SPAG16: variants seen among roughly 807,000 people sequenced by gnomAD.
SPAG16 encodes sperm associated antigen 16.
In SPAG16, 86 loss-of-function variants were observed where a neutral mutation model predicts 80.4. The ratio of observed to expected loss-of-function variants is 1.07; its 90% confidence interval spans 0.90 to 1.28. The LOEUF (loss-of-function observed/expected upper bound fraction) is 1.28, where lower values mean the gene tolerates loss of function less well. Among genes scored for constraint, SPAG16 ranks in the 50% most tolerant of loss-of-function variants. The probability of loss-of-function intolerance (pLI) is 0.00; values close to 1 mark genes in which losing one functional copy is unlikely to be tolerated. For synonymous variants in SPAG16, 294 were observed against 265.9 expected, an observed-to-expected ratio of 1.11 and a Z score of -1.03; for missense variants, 870 against 765.3, an observed-to-expected ratio of 1.14 and a Z score of -1.61.
intron 10 of SPAG16, among the ~76,000 whole-genome samples, chr2:213,581,893 C>T (rs1055967055): frequency 6.6e-6 from 1 of 152,074 alleles, no homozygotes; most frequent in Admixed American, 6.6e-5. Flanking sequence ...GCAACTTGCC[C>T]TTTCATTTAA....
At chr2:213,356,301 G>C (rs1336754554) in intron 7 of SPAG16, among the ~76,000 whole-genome samples, 2 of 152,140 alleles carry the variant, frequency 1.3e-5, no homozygotes, top group Non-Finnish European at 1.5e-5. Flanking sequence ...TCTATTGATT[G>C]GAATAGTTTC....
At chr2:213,335,139 G>A (rs2064292418) in intron 5 of SPAG16, among the ~76,000 whole-genome samples, 1 of 152,004 alleles carries the variant, frequency 6.6e-6, no homozygotes, top group Non-Finnish European at 1.5e-5. Flanking sequence ...ATAGATAAAT[G>A]GTTAAAACTA....
chr2:213,844,066 A>G (rs769369681), intron 10 of SPAG16, among the ~76,000 whole-genome samples: 7 of 152,216 alleles, frequency 4.6e-5, no homozygotes, highest in Non-Finnish European at 7.3e-5. Context: ...CCTAAAGGTC[A>G]AAAACCTAGT....
intron 10 of SPAG16, among the ~76,000 whole-genome samples, chr2:213,679,224 A>G (rs181488521): frequency 6.6e-6 from 1 of 152,334 alleles, no homozygotes; most frequent in Admixed American, 6.5e-5. Context: ...TCTATACACT[A>G]TGGTCATGTA....
chr2:214,286,263 T>A (rs1360212317), intron 15 of SPAG16, among the ~76,000 whole-genome samples: 2 of 152,122 alleles, frequency 1.3e-5, no homozygotes, highest in East Asian at 1.9e-4. Context: ...TACAACAATG[T>A]GACTATAGTT....
chr2:213,615,183 C>T (rs1036475385), intron 10 of SPAG16, among the ~76,000 whole-genome samples: 4 of 152,232 alleles, frequency 2.6e-5, no homozygotes, highest in Admixed American at 2.0e-4. Flanking sequence ...AACAGAGTTG[C>T]AATCCTCATG....
At chr2:214,272,256 G>A (rs1351743366) in intron 15 of SPAG16, among the ~76,000 whole-genome samples, 1 of 151,670 alleles carries the variant, frequency 6.6e-6, no homozygotes, top group Non-Finnish European at 1.5e-5. Context: ...TATCATCTAT[G>A]TTCTGAAATT....
chr2:213,687,094 C>T (rs1455027039), intron 10 of SPAG16, among the ~76,000 whole-genome samples: 4 of 151,918 alleles, frequency 2.6e-5, no homozygotes, highest in Admixed American at 6.6e-5. Context: ...TATATTGTTA[C>T]CTTATTAGTC....
intron 10 of SPAG16, among the ~76,000 whole-genome samples, chr2:213,506,842 T>G (rs1163716325): frequency 6.6e-6 from 1 of 152,226 alleles, no homozygotes; most frequent in East Asian, 1.9e-4. Flanking sequence ...AAATACCTGA[T>G]CTTAACTGTT....
chr2:214,275,635 T>G (rs1184974890), intron 15 of SPAG16, among the ~76,000 whole-genome samples: 1 of 152,262 alleles, frequency 6.6e-6, no homozygotes, highest in Non-Finnish European at 1.5e-5. Flanking sequence ...AGTTCTAATT[T>G]GATTGCACTG....
intron 10 of SPAG16, among the ~76,000 whole-genome samples, chr2:213,583,231 A>G (rs2060353217): frequency 6.6e-6 from 1 of 152,146 alleles, no homozygotes; most frequent in African/African-American, 2.4e-5. Flanking sequence ...TCCTTTCCAA[A>G]TGGAATGAAA....
chr2:214,034,513 G>C (rs1188840732), intron 13 of SPAG16, among the ~76,000 whole-genome samples: 1 of 152,190 alleles, frequency 6.6e-6, no homozygotes, highest in African/African-American at 2.4e-5. Context: ...GGCCTGGATT[G>C]CATGCCTGCC....
chr2:213,858,898 C>T (rs567159768), intron 10 of SPAG16, among the ~76,000 whole-genome samples: 3 of 151,892 alleles, frequency 2.0e-5, no homozygotes, highest in Admixed American at 6.6e-5. Context: ...AATAAAAAGT[C>T]CGCCAGGTGC....
chr2:213,822,744 C>G (rs146985991), intron 10 of SPAG16, among the ~76,000 whole-genome samples: 64 of 152,290 alleles, frequency 4.2e-4, no homozygotes, highest in Middle Eastern at 6.8e-3. Context: ...CAGCCCCCAA[C>G]AGGCCCTGGT....
chr2:213,485,998 A>G (rs2125711770), intron 9 of SPAG16, among the ~76,000 whole-genome samples: 1 of 152,096 alleles, frequency 6.6e-6, no homozygotes, highest in East Asian at 1.9e-4. Context: ...ACATGTGAAA[A>G]CTCATATAAT....
chr2:214,020,181 G>A (rs139717561), intron 13 of SPAG16, among the ~76,000 whole-genome samples: 6 of 152,124 alleles, frequency 3.9e-5, no homozygotes, highest in Non-Finnish European at 7.4e-5. Context: ...GGGTGAGAAC[G>A]CAGGCTGCCT....
intron 10 of SPAG16, among the ~76,000 whole-genome samples, chr2:213,727,429 A>T (rs2066819886): frequency 6.6e-6 from 1 of 152,176 alleles, no homozygotes; most frequent in South Asian, 2.1e-4. Context: ...TGAGTGCTTG[A>T]TATCAATTTT....
intron 10 of SPAG16, among the ~76,000 whole-genome samples, chr2:213,531,784 T>A (rs113673834): frequency 5.9e-5 from 9 of 152,146 alleles, no homozygotes; most frequent in African/African-American, 2.2e-4. Context: ...TTTACTAATT[T>A]TTCTGTAATT....
chr2:214,239,487 T>C (rs1689315814), intron 15 of SPAG16: 2 of 152,226 alleles, frequency 1.3e-5, no homozygotes, highest in African/African-American at 4.8e-5. Context: ...AAAGCTCTCT[T>C]CTTTTTCATT....
Sources: gnomAD v4.1 joint callset for allele counts (sites outside exome capture counted in the v4.1 genomes callset) on GRCh38, gnomAD v4.1.1 for gene constraint, MANE v1.5 for transcripts, NCBI Gene and HGNC (gene_info 2026-07-23, HGNC 2026-07-21) for gene names.